Variants in PKIA observed in about 807,000 individuals in gnomAD.
The protein encoded by PKIA is cAMP-dependent protein kinase inhibitor alpha, also known as PKI-alpha.
A neutral mutation model predicts 7.6 loss-of-function variants in PKIA; 4 were observed. The ratio of observed to expected loss-of-function variants is 0.52; its 90% CI spans 0.26 to 1.20. The LOEUF (loss-of-function observed/expected upper bound fraction) is 1.20, where lower values mean the gene tolerates loss of function less well. PKIA is among the 50% of genes most tolerant of loss of function. The pLI, the probability that PKIA is intolerant of heterozygous loss-of-function variation, is 0.13. For missense variants in PKIA, 73 were observed against 86.2 expected, an observed-to-expected ratio of 0.85 and a Z score of 0.61; for synonymous variants, 21 against 30.7, an observed-to-expected ratio of 0.68 and a Z score of 1.04.
chr8:78,525,858 G>A (rs1809533836), intron 1 of PKIA, among the ~76,000 whole-genome samples: 1 of 151,866 alleles, frequency 6.6e-6, no homozygotes, highest in Non-Finnish European at 1.5e-5. Flanking sequence ...ATGTTTTTCA[G>A]GAAATGAATG....
intron 1 of PKIA, among the ~76,000 whole-genome samples, chr8:78,527,867 ATAAAT>A (rs1276462488): frequency 6.6e-6 from 1 of 152,088 alleles, no homozygotes. Context: ...CCTATGCATA[ATAAAT>A]TATTTTGTAC....
intron 2 of PKIA, among the ~76,000 whole-genome samples, chr8:78,576,737 G>T (rs1807681503): frequency 6.6e-6 from 1 of 151,948 alleles, no homozygotes; most frequent in African/African-American, 2.4e-5. Context: ...TTTTGTCTTT[G>T]ACAGTGGCAT....
At chr8:78,596,211 C>G (rs560670834) in intron 2 of PKIA, among the ~76,000 whole-genome samples, 1 of 151,570 alleles carries the variant, frequency 6.6e-6, no homozygotes, top group Admixed American at 6.6e-5. Context: ...TTTTAAGGAG[C>G]TGTTTGCTTT....
intron 1 of PKIA, among the ~76,000 whole-genome samples, chr8:78,522,893 T>C (rs1025530569): frequency 1.3e-5 from 2 of 151,972 alleles, no homozygotes; most frequent in Non-Finnish European, 2.9e-5. Flanking sequence ...CTTTAATGTA[T>C]TATTTTTAGT....
chr8:78,601,573 A>C (rs1808348525), intron 3 of PKIA, among the ~76,000 whole-genome samples, 169 bp from the exon 4 acceptor site: 1 of 152,052 alleles, frequency 6.6e-6, no homozygotes, highest in Non-Finnish European at 1.5e-5. Flanking sequence ...TTGAAAACTT[A>C]AGCTGTTTTC....
intron 1 of PKIA, among the ~76,000 whole-genome samples, chr8:78,543,450 A>G (rs1260841708): frequency 1.3e-5 from 2 of 152,220 alleles, no homozygotes; most frequent in African/African-American, 4.8e-5. Context: ...CAGGCTAGCA[A>G]TCTTCTAAAA....
intron 1 of PKIA, among the ~76,000 whole-genome samples, chr8:78,525,798 TTTTAA>T (rs1809530162): frequency 6.6e-6 from 1 of 152,028 alleles, no homozygotes; most frequent in African/African-American, 2.4e-5. Context: ...TGCTATTTAT[TTTTAA>T]TTTATTTATT....
At chr8:78,584,698 T>A (rs1807907240) in intron 2 of PKIA, among the ~76,000 whole-genome samples, 1 of 152,116 alleles carries the variant, frequency 6.6e-6, no homozygotes, top group South Asian at 2.1e-4. Flanking sequence ...AGGTAATAGG[T>A]TCAAGCATTT....
chr8:78,552,380 T>C (rs1052661605), intron 1 of PKIA, among the ~76,000 whole-genome samples: 14 of 150,860 alleles, frequency 9.3e-5, no homozygotes, highest in African/African-American at 3.4e-4. Flanking sequence ...GAAGACTTAG[T>C]GCTTTTCTGG....
At chr8:78,590,893 A>T (rs1414416446) in intron 2 of PKIA, among the ~76,000 whole-genome samples, 1 of 152,204 alleles carries the variant, frequency 6.6e-6, no homozygotes, top group East Asian at 1.9e-4. Flanking sequence ...ACTAATGTAG[A>T]CCAAACACTA....
At chr8:78,547,320 G>A (rs1196426718) in intron 1 of PKIA, among the ~76,000 whole-genome samples, 3 of 152,060 alleles carry the variant, frequency 2.0e-5, no homozygotes, top group African/African-American at 7.2e-5. Flanking sequence ...AGCCAAGATG[G>A]TCTTGATCTC....
At chr8:78,534,476 T>A (rs1806469891) in intron 1 of PKIA, 1 of 152,144 alleles carries the variant, frequency 6.6e-6, no homozygotes, top group Admixed American at 6.6e-5. Flanking sequence ...TCACTACTTT[T>A]TCTCCTCCTA....
At chr8:78,558,001 T>A (rs1384855316) in intron 1 of PKIA, among the ~76,000 whole-genome samples, 3 of 152,200 alleles carry the variant, frequency 2.0e-5, no homozygotes, top group Admixed American at 6.5e-5. Context: ...ACTGGTTTTG[T>A]AGTAGCAAAA....
At chr8:78,526,808 C>A (rs1806248732) in intron 1 of PKIA, among the ~76,000 whole-genome samples, 2 of 151,630 alleles carry the variant, frequency 1.3e-5, no homozygotes, top group South Asian at 2.1e-4. Flanking sequence ...ACTGTGGAAT[C>A]TTTACTAGGA....
At chr8:78,551,450 T>A (rs1386561900) in intron 1 of PKIA, among the ~76,000 whole-genome samples, 3 of 152,070 alleles carry the variant, frequency 2.0e-5, no homozygotes, top group Admixed American at 6.6e-5. Flanking sequence ...ACACTCACCC[T>A]CACCTCTGTT....
In PKIA at chr8:78,544,155, T is replaced by G. The variant is rs192872377; in HGVS notation, c.-157+27687T>G. Among the ~76,000 whole-genome samples, 497 of 152,318 alleles carry G rather than the reference T, an allele frequency of 3.3e-3. 2 individuals carry two copies. The highest frequency in any genetic ancestry group is 5.4e-3 in the Non-Finnish European group (368 of 68,030). ...TTGCTATGCTGTTATACAATGTAGA[T>G]GTATACTACCTTCTACCTCGTGGCA... On this transcript the variant is annotated intron_variant, in intron 1 of 3. Coordinates refer to ENST00000396418, the MANE Select transcript of PKIA (RefSeq NM_006823.4).
At chr8:78,529,277 C>A (rs1353489128) in intron 1 of PKIA, among the ~76,000 whole-genome samples, 2 of 152,024 alleles carry the variant, frequency 1.3e-5, no homozygotes, top group Non-Finnish European at 2.9e-5. Context: ...AGTGTTATCT[C>A]AATAGTGTGA....
intron 1 of PKIA, among the ~76,000 whole-genome samples, chr8:78,525,491 A>G (rs1809524805): frequency 6.6e-6 from 1 of 152,074 alleles, no homozygotes; most frequent in African/African-American, 2.4e-5. Context: ...AGTCCATTAA[A>G]TAAGAGGATG....
Position 78,591,631 on chromosome 8 carries a change from C to T in PKIA, c.-27-6727C>T, listed in dbSNP as rs568139677. Among the ~76,000 whole-genome samples, 5 of 152,034 alleles carry T rather than the reference C, an allele frequency of 3.3e-5. No individual in the cohort carries two copies. In the South Asian group the frequency reaches 1.0e-3, roughly 32 times the overall value. On this transcript the variant is annotated intron_variant, in intron 2 of 3. Transcript: ENST00000396418. Reference sequence around the variant, plus strand: ...AAATTTAATACAACTTTAAATAGTTCAGTATTTAAATAATAAAATGTCCAT... The same window carrying T: ...AAATTTAATACAACTTTAAATAGTTTAGTATTTAAATAATAAAATGTCCAT...
Sources: gnomAD v4.1 joint callset for allele counts (sites outside exome capture counted in the v4.1 genomes callset) on GRCh38, gnomAD v4.1.1 for gene constraint, MANE v1.5 for transcripts, NCBI Gene and HGNC (gene_info 2026-07-23, HGNC 2026-07-21) for gene names.